Variants in CD200R1 observed in about 807,000 individuals in gnomAD.
The protein encoded by CD200R1 is CD200 receptor 1, also known as cell surface glycoprotein CD200 receptor 1.
Under a neutral mutation model 38.1 loss-of-function variants are expected in CD200R1, and 30 were observed. The ratio of observed to expected loss-of-function variants is 0.79; its 90% confidence interval spans 0.59 to 1.07. The LOEUF is 1.07. Ranked by LOEUF, CD200R1 falls within the 50% of genes least tolerant of loss-of-function variation. The pLI, the probability that CD200R1 is intolerant of heterozygous loss-of-function variation, is 0.00. For synonymous variants in CD200R1, 128 were observed against 152.1 expected (o/e 0.84, Z 1.16); for missense variants, 372 against 415.4 (o/e 0.90, Z 0.91).
chr3:112,943,382 A>G (rs111758572), intron 2 of CD200R1, among the ~76,000 whole-genome samples: 1 of 151,816 alleles, frequency 6.6e-6, no homozygotes, highest in African/African-American at 2.4e-5. Flanking sequence ...AATAATGCAT[A>G]GGTGAAAAAA....
At position 112,923,797 on chromosome 3, in the gene CD200R1, A is replaced by G; in HGVS notation, c.927T>C (p.Asp309=). Residue 309 remains aspartate (D), a splice_region_variant and synonymous_variant, in exon 8 of 8, where the codon GAT becomes GAC. Transcript: ENST00000308611. ...TGTAGCTGGCATAGGGCTGCATTTC[A>G]TCCTAAGAAAGAACTCAAAGTTAAA... ...KTESTPVVEE[D]EMQPYASYTE... is the part of the protein sequence containing the mutation. The G allele has an allele frequency of 3.8e-6, 6 of 1,566,000 alleles. No homozygotes were observed. The highest frequency in any genetic ancestry group is 5.2e-6 in the Non-Finnish European group (6 of 1,153,494).
intron 2 of CD200R1, among the ~76,000 whole-genome samples, chr3:112,933,894 C>T (rs1476608775): frequency 6.6e-6 from 1 of 151,730 alleles, no homozygotes; most frequent in Non-Finnish European, 1.5e-5. Context: ...GATTTCTGAA[C>T]TTGAAGACAA....
chr3:112,972,759 A>T (rs1933342041), intron 1 of CD200R1, among the ~76,000 whole-genome samples: 1 of 152,238 alleles, frequency 6.6e-6, no homozygotes, highest in Non-Finnish European at 1.5e-5. Flanking sequence ...AAACCAAATG[A>T]ATACTATGTT....
chr3:112,973,537 G>A (rs1370592352), intron 1 of CD200R1, among the ~76,000 whole-genome samples: 1 of 152,144 alleles, frequency 6.6e-6, no homozygotes, highest in Non-Finnish European at 1.5e-5. Context: ...ATGGAGAGGT[G>A]TCTTCCATGT....
At chr3:112,924,164 A>T (rs1940231495) in intron 7 of CD200R1, among the ~76,000 whole-genome samples, 1 of 151,914 alleles carries the variant, frequency 6.6e-6, no homozygotes, top group Non-Finnish European at 1.5e-5. Context: ...GATAGTATTG[A>T]AAAGGAAAAG....
intron 1 of CD200R1, among the ~76,000 whole-genome samples, chr3:112,957,195 T>C (rs1175023978): frequency 6.6e-6 from 1 of 152,234 alleles, no homozygotes; most frequent in Non-Finnish European, 1.5e-5. Flanking sequence ...TATCTTTTCT[T>C]ATTAATATAC....
At chr3:112,937,622 C>A (rs1940615999) in intron 2 of CD200R1, among the ~76,000 whole-genome samples, 1 of 152,052 alleles carries the variant, frequency 6.6e-6, no homozygotes, top group Non-Finnish European at 1.5e-5. Context: ...AGTCAGGTAG[C>A]ATGATGCTTC....
At chr3:112,966,514 G>T (rs1399581461) in intron 1 of CD200R1, among the ~76,000 whole-genome samples, 2 of 151,800 alleles carry the variant, frequency 1.3e-5, no homozygotes, top group Non-Finnish European at 2.9e-5. Flanking sequence ...TTTTTTCAAG[G>T]AATTATCAGC....
Position 112,929,484 on chromosome 3 carries a change from T to G in CD200R1, c.226A>C (p.Met76Leu). The change falls in exon 4 of 8, where the codon ATG becomes CTG. Residue 76 changes from methionine to leucine, a missense_variant. Transcript: ENST00000308611. The stretch of plus-strand genomic sequence containing the variant: ...CAACAAAGCACAGCATTTGTAGCCA[T>G]CTTTACAGGCCATGAAGTGTTAACT... ...AEVNTSWPVK[M>L]ATNAVLCCPP... is the part of the protein sequence containing the mutation. The G allele has an allele frequency of 6.2e-7, 1 of 1,613,508 alleles. No individual in the cohort carries two copies. The highest frequency in any genetic ancestry group is 8.5e-7 in the Non-Finnish European group (1 of 1,179,764).
chr3:112,923,829 T>A (rs1382148121), intron 7 of CD200R1, 30 bp from the exon 8 acceptor site: 2 of 1,368,392 alleles, frequency 1.5e-6, no homozygotes, highest in South Asian at 1.3e-5. Flanking sequence ...TAAAATCAAT[T>A]CAAAAAATCA....
intron 1 of CD200R1, among the ~76,000 whole-genome samples, chr3:112,972,758 G>A (rs894853933): frequency 6.6e-6 from 1 of 152,200 alleles, no homozygotes; most frequent in Non-Finnish European, 1.5e-5. Flanking sequence ...GAAACCAAAT[G>A]AATACTATGT....
intron 1 of CD200R1, among the ~76,000 whole-genome samples, chr3:112,951,965 G>T (rs192699232): frequency 6.6e-6 from 1 of 151,164 alleles, no homozygotes; most frequent in Admixed American, 6.6e-5. Context: ...TCTTTTCTGT[G>T]TAAATTGAGA....
chr3:112,957,017 C>T (rs1418148220), intron 1 of CD200R1, among the ~76,000 whole-genome samples: 2 of 152,092 alleles, frequency 1.3e-5, no homozygotes, highest in African/African-American at 4.8e-5. Context: ...TTGGAGTCTT[C>T]CCAGTGCTGG....
chr3:112,942,571 G>T (rs551569899), intron 2 of CD200R1, among the ~76,000 whole-genome samples: 1 of 151,346 alleles, frequency 6.6e-6, no homozygotes, highest in African/African-American at 2.4e-5. Flanking sequence ...AAGAACAGAG[G>T]CACTAAAAGA....
intron 1 of CD200R1, among the ~76,000 whole-genome samples, chr3:112,969,743 C>A (rs1051961393): frequency 1.3e-5 from 2 of 152,160 alleles, no homozygotes; most frequent in African/African-American, 4.8e-5. Flanking sequence ...GTTGAGATTG[C>A]AGGTAGACTT....
chr3:112,947,298 T>C (rs1940886002), intron 2 of CD200R1, among the ~76,000 whole-genome samples: 1 of 152,210 alleles, frequency 6.6e-6, no homozygotes, highest in Non-Finnish European at 1.5e-5. Flanking sequence ...ATAATGATGA[T>C]GTTTCAATGT....
intron 5 of CD200R1, among the ~76,000 whole-genome samples, chr3:112,925,470 G>A (rs958002129): frequency 6.6e-6 from 1 of 152,070 alleles, no homozygotes; most frequent in African/African-American, 2.4e-5. Context: ...AGAGCAAGGA[G>A]GATTGTGTAG....
At chr3:112,935,758 AT>A (rs1940560639) in intron 2 of CD200R1, among the ~76,000 whole-genome samples, 2 of 152,228 alleles carry the variant, frequency 1.3e-5, no homozygotes, top group South Asian at 4.1e-4. Flanking sequence ...CTAAAAAGAA[AT>A]GCAAAAAACC....
chr3:112,942,761 T>C (rs1170618527), intron 2 of CD200R1, among the ~76,000 whole-genome samples: 3 of 151,418 alleles, frequency 2.0e-5, no homozygotes, highest in Admixed American at 2.0e-4. Flanking sequence ...TATATGTAGT[T>C]TGAAAGAAAA....
Sources: allele counts gnomAD v4.1 joint callset (sites outside exome capture counted in the v4.1 genomes callset), GRCh38; gene constraint gnomAD v4.1.1; transcripts MANE v1.5; gene names NCBI Gene and HGNC (gene_info 2026-07-23, HGNC 2026-07-21).